Variants in MTG1 observed in about 807,000 individuals in gnomAD.
MTG1 encodes mitochondrial ribosome associated GTPase 1.
Under a neutral mutation model 39.5 loss-of-function variants are expected in MTG1, and 30 were observed. That is an observed-to-expected ratio of 0.76 (90% CI 0.57 to 1.03). The LOEUF (loss-of-function observed/expected upper bound fraction) is 1.03, where lower values mean the gene tolerates loss of function less well. Ranked by LOEUF, MTG1 falls within the 50% of genes least tolerant of loss-of-function variation. MTG1 has a pLI of 0.00. For missense variants in MTG1, 513 were observed against 447.4 expected, an observed-to-expected ratio of 1.15 and a Z score of -1.32; for synonymous variants, 217 against 179.0, an observed-to-expected ratio of 1.21 and a Z score of -1.69.
At chr10:133,395,876 C>G in intron 2 of MTG1, 99 bp downstream of exon 2, 1 of 1,213,678 alleles carries the variant, frequency 8.2e-7, no homozygotes, top group Non-Finnish European at 1.2e-6. Flanking sequence ...TGCGAGGCCC[C>G]TTTCTAGACC....
intron 3 of MTG1, among the ~76,000 whole-genome samples, chr10:133,398,095 G>A (rs1564818471): frequency 6.6e-6 from 1 of 152,132 alleles, no homozygotes; most frequent in South Asian, 2.1e-4. Context: ...TGTCATCTTC[G>A]TGGACAGCTA....
At chr10:133,401,882 C>T in intron 7 of MTG1, 1 of 608,188 alleles carries the variant, frequency 1.6e-6, no homozygotes, top group Non-Finnish European at 2.9e-6. Flanking sequence ...CGCCCCCCGC[C>T]CCACCCTCCA....
chr10:133,402,585 C>A lies in MTG1; in HGVS notation c.671-107C>A. 1 of 1,054,368 alleles carries A rather than the reference C, an allele frequency of 9.5e-7. No individual in the cohort carries two copies. Among genetic ancestry groups the A allele is most frequent in the South Asian group, 1.5e-5 (1 of 66,048 alleles). The allele number at this position is 1,054,368 out of a possible 1,614,324, so 65.3% of individuals were successfully genotyped here. A position where few individuals can be genotyped will look rare whatever the true frequency, so the allele number is the denominator to read the frequency against. On this transcript the variant is annotated intron_variant, in intron 8 of 10. Coordinates refer to ENST00000317502, the MANE Select transcript of MTG1 (RefSeq NM_138384.4). The surrounding 1 kb of genome is among the most constrained non-coding windows in gnomAD (Gnocchi z 4.7). ...GTCTTTGTCAGTGGCTGGCCTCTTCCTCACGGCACGGTGTCTTTGGGCTAG... is the reference window on the plus strand; with the variant it reads ...GTCTTTGTCAGTGGCTGGCCTCTTCATCACGGCACGGTGTCTTTGGGCTAG...
At chr10:133,394,409 C>A (rs1049015366) in intron 1 of MTG1, 77 bp downstream of exon 1, 6 of 1,349,772 alleles carry the variant, frequency 4.4e-6, no homozygotes, top group East Asian at 3.1e-5. Flanking sequence ...CGGTTTCGGC[C>A]GTCGCCTGCT....
chr10:133,398,316 C>G, intron 3 of MTG1, 119 bp from the exon 4 acceptor site: 1 of 925,878 alleles, frequency 1.1e-6, no homozygotes, highest in East Asian at 2.6e-5. Context: ...ATGAGAATCG[C>G]TTGAACCAGG....
intron 6 of MTG1, chr10:133,401,280 C>T: frequency 2.4e-6 from 1 of 411,292 alleles, no homozygotes; most frequent in Non-Finnish European, 4.3e-6. Flanking sequence ...GGAAAGTGCC[C>T]TTGCTGTGAG....
chr10:133,399,132 C>T (rs75026151), intron 4 of MTG1, 38 bp from the exon 5 acceptor site: 24,607 of 1,613,438 alleles, frequency 0.015, 240 homozygotes, highest in Middle Eastern at 0.041. Context: ...CACAGACGTC[C>T]GACCTGGGGT....
chr10:133,394,378 G>A (rs1019799430), intron 1 of MTG1, 46 bp downstream of exon 1: 3 of 1,412,858 alleles, frequency 2.1e-6, no homozygotes, highest in African/African-American at 1.5e-5. Context: ...CGGCCGCGGC[G>A]CCTCTGCTTC....
chr10:133,421,862 T>A lies in MTG1; in HGVS notation c.*1697T>A, dbSNP rs1251339102. 1.4e-5 allele frequency: 2 copies of A among 143,514 alleles called. No individual in the cohort carries two copies. The highest frequency in any genetic ancestry group is 3.0e-5 in the Non-Finnish European group (2 of 66,492). 8.9% of individuals were successfully genotyped at this position (143,514 alleles called of 1,614,324 possible). A position where few individuals can be genotyped will look rare whatever the true frequency, so the allele number is the denominator to read the frequency against. ...GATGCAGTCCGGCTGAGGGCGAGGC[T>A]GTCCCCAGGACATGGAGAGGGTGAG... On this transcript the variant is annotated 3_prime_UTR_variant, in exon 11 of 11. Coordinates refer to ENST00000317502, the MANE Select transcript of MTG1 (RefSeq NM_138384.4).
chr10:133,394,294 G>A lies in MTG1; in HGVS notation c.74G>A (p.Arg25His). 1 of 1,516,602 alleles carries A rather than the reference G, an allele frequency of 6.6e-7. No individual in the cohort carries two copies. The highest frequency in any genetic ancestry group is 8.8e-7 in the Non-Finnish European group (1 of 1,136,656). The allele number at this position is 1,516,602 out of a possible 1,614,324, so 93.9% of individuals were successfully genotyped here. ...CGGGAGAACTTCCCCCTGTGCGGTCGCGACGTGGCGCGCTGGTTCCCGGGC... is the reference window on the plus strand; with the variant it reads ...CGGGAGAACTTCCCCCTGTGCGGTCACGACGTGGCGCGCTGGTTCCCGGGC... ...AWRENFPLCG[R>H]DVARWFPGHM... The change falls in exon 1 of 11, where the codon CGC becomes CAC. Residue 25 changes from arginine (R) to histidine (H), a missense_variant. Transcript: ENST00000317502.
chr10:133,419,060 A>G (rs1352666425), intron 9 of MTG1, among the ~76,000 whole-genome samples: 1 of 152,212 alleles, frequency 6.6e-6, no homozygotes, highest in East Asian at 1.9e-4. Flanking sequence ...CATCCTTAGC[A>G]GCAAACAGAG....
rs746825481 is a variant in MTG1, at chr10:133,402,249, A to AGCCGGG, written c.670+7_670+12dup. 16 of 1,576,504 alleles carry AGCCGGG rather than the reference A, an allele frequency of 1.0e-5. No homozygotes were observed. Among genetic ancestry groups the AGCCGGG allele is most frequent in the Non-Finnish European group, 1.4e-5 (16 of 1,161,174 alleles). On this transcript the variant is annotated splice_donor_region_variant and intron_variant, in intron 8 of 10. Transcript: ENST00000317502. The surrounding 1 kb of genome is among the most constrained non-coding windows in gnomAD (Gnocchi z 4.7). Reference sequence around the variant, plus strand: ...GGCCTGAAGCTGGCCCTGTGTGGTGAGCCGGGGCTGGGGCTGGGGCTGGGG... The same window carrying AGCCGGG: ...GGCCTGAAGCTGGCCCTGTGTGGTGAGCCGGGGCCGGGGCTGGGGCTGGGGCTGGGG...
At position 133,419,469 on chromosome 10, in the gene MTG1, C is replaced by G; in HGVS notation, c.753-11C>G. 1 of 1,580,686 alleles carries G rather than the reference C, an allele frequency of 6.3e-7. No individual in the cohort carries two copies. The highest frequency in any genetic ancestry group is 1.8e-5 in the Admixed American group (1 of 55,312). The stretch of plus-strand genomic sequence containing the variant: ...TGGGCCCCCTGGTGCTGACCTGCAG[C>G]CTATGTGCAGGTACGTGCAGCACTA... On this transcript the variant is annotated splice_polypyrimidine_tract_variant and intron_variant, in intron 9 of 10. Coordinates refer to ENST00000317502, the MANE Select transcript of MTG1 (RefSeq NM_138384.4).
chr10:133,421,900 C>CGGGGGGGGGGGGGGGGGGGGGG lies in MTG1; in HGVS notation c.*1737_*1738insGGGGGGGGGGGGGGGGGGGGGG, dbSNP rs147046336. ...TGGAGAGGGTGAGATCCCAAGGCCACGGCGGGGGGCAGGGAGAACCCCTCC... is the reference window on the plus strand; with the variant it reads ...TGGAGAGGGTGAGATCCCAAGGCCACGGGGGGGGGGGGGGGGGGGGGGGGCGGGGGGCAGGGAGAACCCCTCC... On this transcript the variant is annotated 3_prime_UTR_variant, in exon 11 of 11. Coordinates refer to ENST00000317502, the MANE Select transcript of MTG1 (RefSeq NM_138384.4). The CGGGGGGGGGGGGGGGGGGGGGG allele has an allele frequency of 8.6e-6, 1 of 115,862 alleles. No individual in the cohort carries two copies. The highest frequency in any genetic ancestry group is 1.0e-4 in the Admixed American group (1 of 9,760). 7.2% of individuals were successfully genotyped at this position (115,862 alleles called of 1,614,324 possible).
rs1415549621 is a variant in MTG1 at position 133,394,164 on chromosome 10, G to A, written c.-57G>A. 1.5e-6 allele frequency: 2 copies of A among 1,348,744 alleles called. No homozygotes were observed. The highest frequency in any genetic ancestry group is 2.0e-6 in the Non-Finnish European group (2 of 1,002,588). 83.5% of individuals were successfully genotyped at this position (1,348,744 alleles called of 1,614,324 possible). ...CCGCAGCGCCGGAACCTCAGAGGCGGGTCGCAGCGGCGCAGAGGAGGTCAG... is the reference window on the plus strand; with the variant it reads ...CCGCAGCGCCGGAACCTCAGAGGCGAGTCGCAGCGGCGCAGAGGAGGTCAG... On this transcript the variant is annotated 5_prime_UTR_variant, in exon 1 of 11. Coordinates refer to ENST00000317502, the MANE Select transcript of MTG1 (RefSeq NM_138384.4).
At chr10:133,398,248 A>T (rs1398973105) in intron 3 of MTG1, among the ~76,000 whole-genome samples, 187 bp from the exon 4 acceptor site, 5 of 152,148 alleles carry the variant, frequency 3.3e-5, no homozygotes, top group African/African-American at 1.2e-4. Context: ...GTGAATTCAA[A>T]AATTATCTGG....
chr10:133,402,649 A>T lies in MTG1; in HGVS notation c.671-43A>T, dbSNP rs905452862. ...GTGTTTGAACTTGGCAGGAACATAG[A>T]TGTGGCTGTTTCCAGTGCTCACCTC... On this transcript the variant is annotated intron_variant, in intron 8 of 10. Transcript: ENST00000317502. This position sits in a 1 kb window ranked among gnomAD's most constrained non-coding sequence, Gnocchi z 4.7. The T allele has an allele frequency of 6.5e-7, 1 of 1,532,538 alleles. No individual in the cohort carries two copies. Among genetic ancestry groups the T allele is most frequent in the African/African-American group, 1.4e-5 (1 of 73,232 alleles). The allele number at this position is 1,532,538 out of a possible 1,614,324, so 94.9% of individuals were successfully genotyped here. A position where few individuals can be genotyped will look rare whatever the true frequency, so the allele number is the denominator to read the frequency against.
intron 9 of MTG1, among the ~76,000 whole-genome samples, chr10:133,414,334 A>G (rs1170866369): frequency 6.6e-6 from 1 of 152,022 alleles, no homozygotes; most frequent in Non-Finnish European, 1.5e-5. Flanking sequence ...CAGACACGGC[A>G]ACCATCCGAT....
chr10:133,414,432 A>G (rs1334867068), intron 9 of MTG1, among the ~76,000 whole-genome samples: 1 of 152,240 alleles, frequency 6.6e-6, no homozygotes, highest in Non-Finnish European at 1.5e-5. Flanking sequence ...GCTGTTGGGT[A>G]CAACTCCCAG....
Sources: gnomAD v4.1 joint callset for allele counts (sites outside exome capture counted in the v4.1 genomes callset) on GRCh38, gnomAD v4.1.1 for gene constraint, Gnocchi (gnomAD v3.1) non-coding constraint, MANE v1.5 for transcripts, NCBI Gene and HGNC (gene_info 2026-07-23, HGNC 2026-07-21) for gene names.